SMARCB1: variants seen among roughly 807,000 people sequenced by gnomAD.
SMARCB1 encodes SWI/SNF-related matrix-associated actin-dependent regulator of chromatin subfamily B member 1.
In SMARCB1, 5 loss-of-function variants were observed where a neutral mutation model predicts 49.0. The ratio of observed to expected loss-of-function variants is 0.10; its 90% CI spans 0.05 to 0.21. The LOEUF (loss-of-function observed/expected upper bound fraction) is 0.21, where lower values mean the gene tolerates loss of function less well. SMARCB1 is among the 10% of genes least tolerant of loss of function. SMARCB1 has a pLI of 1.00. For missense variants in SMARCB1, 226 were observed against 509.2 expected (o/e 0.44, Z 5.35); for synonymous variants, 201 against 200.1 (o/e 1.00, Z -0.04).
intron 7 of SMARCB1, among the ~76,000 whole-genome samples, chr22:23,827,294 C>T (rs995459856): frequency 6.6e-6 from 1 of 152,202 alleles, no homozygotes. Context: ...CTGAAGTCCC[C>T]GGGGCCTCTT....
rs559856270 is a variant in SMARCB1, at chr22:23,829,315, G to A, written c.986+3900G>A. 4.6e-5 allele frequency among the ~76,000 whole-genome samples: 7 copies of A among 152,350 alleles called. No homozygotes were observed. In the South Asian group the frequency reaches 1.5e-3, roughly 32 times the overall value. On this transcript the variant is annotated intron_variant, in intron 7 of 8. Coordinates refer to ENST00000644036, the MANE Select transcript of SMARCB1 (RefSeq NM_003073.5). ...CCTGGGGTGAGGATGGCCAGGGCAG[G>A]TGCTGATGGGGGACTGCAGCAGGAA...
rs71184910 is a variant in SMARCB1 at position 23,797,609 on chromosome 22, CTTTTT to C, written c.363-3313_363-3309del. On this transcript the variant is annotated intron_variant, in intron 3 of 8. Coordinates refer to ENST00000644036, the MANE Select transcript of SMARCB1 (RefSeq NM_003073.5). ...ACAGACATGAGCCACTGCGCCTGGC[CTTTTT>C]TTTTTTTTTTTTTTTTTTTTTGAGA... 9.6e-3 allele frequency among the ~76,000 whole-genome samples: 349 copies of C among 36,228 alleles called. 1 individual carries two copies. The South Asian group carries it at 0.12, about 12-fold the overall frequency. The allele number at this position is 36,228 out of a possible 152,430, so 23.8% of individuals were successfully genotyped here.
intron 8 of SMARCB1, 109 bp downstream of exon 8, chr22:23,833,812 C>G (rs1345083299): frequency 1.5e-6 from 2 of 1,300,928 alleles, no homozygotes; most frequent in Non-Finnish European, 2.2e-6. Flanking sequence ...GACAGAGTAC[C>G]TCTAGTGCTG....
Position 23,837,791 on chromosome 22 carries a change from C to T in SMARCB1, c.*3611C>T, listed in dbSNP as rs774217694. On this transcript the variant is annotated 3_prime_UTR_variant, in exon 9 of 9. Transcript: ENST00000644036. ...ACCCGAGGGCTGCGGCGGCTCCACA[C>T]GTACACCAGCATGGCCATGAGGGCC... 1.2e-5 allele frequency: 19 copies of T among 1,613,734 alleles called. No homozygotes were observed. Among genetic ancestry groups the T allele is most frequent in the Non-Finnish European group, 1.5e-5 (18 of 1,180,016 alleles).
At chr22:23,799,016 C>G (rs1194662449) in intron 3 of SMARCB1, among the ~76,000 whole-genome samples, 1 of 150,036 alleles carries the variant, frequency 6.7e-6, no homozygotes, top group African/African-American at 2.5e-5. Context: ...CGCCACTGTA[C>G]TCCAGCCCAG....
chr22:23,805,329 C>G (rs530217775), intron 5 of SMARCB1, among the ~76,000 whole-genome samples: 3 of 152,132 alleles, frequency 2.0e-5, no homozygotes, highest in Non-Finnish European at 2.9e-5. Context: ...TGGTCATGCC[C>G]CAGAACAGGG....
intron 1 of SMARCB1, among the ~76,000 whole-genome samples, chr22:23,790,166 CAG>C (rs1237646780): frequency 1.3e-5 from 2 of 152,112 alleles, no homozygotes; most frequent in African/African-American, 4.8e-5. Flanking sequence ...CTAGGAGACT[CAG>C]AGCCCTGCAG....
At position 23,801,110 on chromosome 22, in the gene SMARCB1, C is replaced by T. The variant is rs759877582; in HGVS notation, c.500+29C>T. On this transcript the variant is annotated intron_variant, in intron 4 of 8. Transcript: ENST00000644036. ...TGGATGCATCGCTGCACTCACCCTC[C>T]GTGCTGATTCCGCCTTAGTTCTCCA... 1.9e-5 allele frequency: 31 copies of T among 1,614,088 alleles called. No homozygotes were observed. Among genetic ancestry groups the T allele is most frequent in the Middle Eastern group, 1.6e-4 (1 of 6,084 alleles).
In SMARCB1 at chr22:23,792,029, G is replaced by A. The variant is rs1012129041; in HGVS notation, c.232+135G>A. ...GGCAGGGAGCATCCCGGGGTGGGCCGCCCTGTGAGCACTCCAGGCAAGGAA... is the reference window on the plus strand; with the variant it reads ...GGCAGGGAGCATCCCGGGGTGGGCCACCCTGTGAGCACTCCAGGCAAGGAA... On this transcript the variant is annotated intron_variant, in intron 2 of 8. Transcript: ENST00000644036. The A allele has an allele frequency of 2.1e-4, 181 of 859,016 alleles. 1 individual carries two copies. Among genetic ancestry groups the A allele is most frequent in the Non-Finnish European group, 6.1e-5 (32 of 528,024 alleles). The allele number at this position is 859,016 out of a possible 1,614,324, so 53.2% of individuals were successfully genotyped here.
chr22:23,804,044 G>A lies in SMARCB1; in HGVS notation c.628+622G>A, dbSNP rs182710780. On this transcript the variant is annotated intron_variant, in intron 5 of 8. Transcript: ENST00000644036. ...TATTGTTTTCTCTATTTTTAAGTCT[G>A]TTAGAATGTATTTTTATTATTTTAT... The A allele has an allele frequency of 2.4e-3, 375 of 153,064 alleles. 8 individuals are homozygous for A. Among genetic ancestry groups the A allele is most frequent in the Non-Finnish European group, 3.1e-3 (216 of 68,600 alleles). The allele number at this position is 153,064 out of a possible 1,614,324, so 9.5% of individuals were successfully genotyped here.
At chr22:23,819,869 C>T (rs1377633896) in intron 6 of SMARCB1, among the ~76,000 whole-genome samples, 1 of 152,050 alleles carries the variant, frequency 6.6e-6, no homozygotes, top group African/African-American at 2.4e-5. Flanking sequence ...CTCTGTTACC[C>T]AGGCTGGAGT....
chr22:23,827,461 G>GT (rs1318423337), intron 7 of SMARCB1, among the ~76,000 whole-genome samples: 1 of 152,192 alleles, frequency 6.6e-6, no homozygotes, highest in Non-Finnish European at 1.5e-5. Context: ...GTCCCTGGTG[G>GT]TGGCAGGTCA....
chr22:23,816,726 G>A (rs775578608), intron 5 of SMARCB1, 44 bp from the exon 6 acceptor site: 20 of 1,582,472 alleles, frequency 1.3e-5, no homozygotes, highest in East Asian at 8.9e-5. Flanking sequence ...CCATGCCCAA[G>A]CATGGTGCAA....
chr22:23,787,794 T>A (rs1928108759), intron 1 of SMARCB1, among the ~76,000 whole-genome samples: 1 of 152,142 alleles, frequency 6.6e-6, no homozygotes, highest in Non-Finnish European at 1.5e-5. Context: ...AGAAACAGAT[T>A]GGAGGAAGAT....
intron 6 of SMARCB1, among the ~76,000 whole-genome samples, chr22:23,819,956 A>G (rs2029992510): frequency 1.3e-5 from 2 of 152,118 alleles, no homozygotes; most frequent in South Asian, 4.1e-4. Flanking sequence ...CCTCTCGAGG[A>G]GGAGCTGGGA....
chr22:23,827,393 T>C (rs1025056638), intron 7 of SMARCB1, among the ~76,000 whole-genome samples: 1 of 152,128 alleles, frequency 6.6e-6, no homozygotes, highest in Non-Finnish European at 1.5e-5. Context: ...TAAATTCCTT[T>C]CCAAGTTCCG....
chr22:23,816,612 C>A (rs576010631), intron 5 of SMARCB1, 158 bp from the exon 6 acceptor site: 33 of 738,964 alleles, frequency 4.5e-5, no homozygotes, highest in South Asian at 4.3e-4. Context: ...GTGCTTCCTC[C>A]TTCCACTCCC....
chr22:23,818,808 T>C (rs2029922155), intron 6 of SMARCB1: 1 of 152,706 alleles, frequency 6.5e-6, no homozygotes, highest in East Asian at 1.9e-4. Context: ...AAGGTTCATT[T>C]ATGTTGCACC....
intron 5 of SMARCB1, among the ~76,000 whole-genome samples, chr22:23,807,287 A>G (rs1933795357): frequency 6.6e-6 from 1 of 152,148 alleles, no homozygotes; most frequent in African/African-American, 2.4e-5. Context: ...TTATATCCAC[A>G]TGCTTGTTTT....
Sources: gnomAD v4.1 joint callset for allele counts (sites outside exome capture counted in the v4.1 genomes callset) on GRCh38, gnomAD v4.1.1 for gene constraint, MANE v1.5 for transcripts, NCBI Gene and HGNC (gene_info 2026-07-23, HGNC 2026-07-21) for gene names.